RTTN: variants seen among roughly 807,000 people sequenced by gnomAD.
RTTN encodes rotatin.
RTTN carries 182 observed loss-of-function variants against 269.2 expected under a neutral mutation model. The observed-to-expected ratio is 0.68, with a 90% confidence interval of 0.60 to 0.76. RTTN has a LOEUF of 0.76. Ranked by LOEUF, RTTN falls within the 30% of genes least tolerant of loss-of-function variation. RTTN has a pLI of 0.00. For synonymous variants in RTTN, 1,006 were observed against 963.5 expected, an observed-to-expected ratio of 1.04 and a Z score of -0.82; for missense variants, 2,545 against 2,608.6, an observed-to-expected ratio of 0.98 and a Z score of 0.53.
chr18:70,112,630 A>G (rs2059501721), intron 27 of RTTN, among the ~76,000 whole-genome samples: 1 of 152,198 alleles, frequency 6.6e-6, no homozygotes, highest in South Asian at 2.1e-4. Context: ...TCCTAAATAT[A>G]TATGCACCCA....
chr18:70,175,099 G>A (rs1237951683), intron 11 of RTTN, among the ~76,000 whole-genome samples: 1 of 147,682 alleles, frequency 6.8e-6, no homozygotes. Flanking sequence ...CTGTCAATTG[G>A]ACTTAAAGCA....
chr18:70,003,581 T>C lies in RTTN; in HGVS notation c.*570A>G, dbSNP rs898039547. Reference sequence around the variant, plus strand: ...TGTACATTTACTTCCACACAGCCCTTTACAAATAATGCACACTTACTTCTA... The same window carrying C: ...TGTACATTTACTTCCACACAGCCCTCTACAAATAATGCACACTTACTTCTA... On this transcript the variant is annotated 3_prime_UTR_variant, in exon 49 of 49. Transcript: ENST00000640769. 1.3e-5 allele frequency: 2 copies of C among 152,192 alleles called. No homozygotes were observed. Among genetic ancestry groups the C allele is most frequent in the African/African-American group, 4.8e-5 (2 of 41,464 alleles). 9.4% of individuals were successfully genotyped at this position (152,192 alleles called of 1,614,324 possible).
At chr18:70,098,911 C>T (rs192845362) in intron 28 of RTTN, among the ~76,000 whole-genome samples, 22 of 152,224 alleles carry the variant, frequency 1.4e-4, no homozygotes, top group Admixed American at 1.2e-3. Flanking sequence ...TCTGTCCTTG[C>T]GATAGTTTGC....
intron 10 of RTTN, among the ~76,000 whole-genome samples, chr18:70,181,391 G>GA (rs2061418526): frequency 6.6e-6 from 1 of 152,118 alleles, no homozygotes; most frequent in African/African-American, 2.4e-5. Flanking sequence ...TGTAAATAGG[G>GA]AAAAAATAGA....
At chr18:70,154,101 T>A (rs1268727413) in intron 14 of RTTN, among the ~76,000 whole-genome samples, 1 of 152,160 alleles carries the variant, frequency 6.6e-6, no homozygotes. Flanking sequence ...TGTATGACAC[T>A]TGGTTATAAA....
chr18:70,093,330 T>C (rs938567417), intron 28 of RTTN, among the ~76,000 whole-genome samples: 1 of 152,202 alleles, frequency 6.6e-6, no homozygotes, highest in Non-Finnish European at 1.5e-5. Flanking sequence ...TTATAATATT[T>C]TTAAAAATGT....
chr18:70,205,540 G>A (rs1305718945), intron 1 of RTTN, 88 bp downstream of exon 1: 5 of 1,555,752 alleles, frequency 3.2e-6, no homozygotes, highest in East Asian at 2.2e-5. Context: ...GTCGCGGAGC[G>A]GCCGGCCGCG....
At chr18:70,151,903 G>A (rs916626171) in intron 14 of RTTN, among the ~76,000 whole-genome samples, 3 of 151,886 alleles carry the variant, frequency 2.0e-5, no homozygotes, top group Non-Finnish European at 2.9e-5. Flanking sequence ...TTCCCACCAC[G>A]AGTCCTCACA....
chr18:70,068,344 T>A (rs997298255), intron 34 of RTTN, among the ~76,000 whole-genome samples: 2 of 152,136 alleles, frequency 1.3e-5, no homozygotes, highest in African/African-American at 4.8e-5. Flanking sequence ...CTAGTCCACG[T>A]CCTCATTTAG....
At position 70,155,679 on chromosome 18, in the gene RTTN, G is replaced by A. The variant is rs186579879; in HGVS notation, c.1930-4946C>T. ...CTGCACAGAGCCCAGAGGGTCTGGC[G>A]CAGTAATGGCTGCAATGGGGCATGG... On this transcript the variant is annotated intron_variant, in intron 14 of 48. Coordinates refer to ENST00000640769, the MANE Select transcript of RTTN (RefSeq NM_173630.4). Among the ~76,000 whole-genome samples the A allele has an allele frequency of 2.8e-3, 431 of 152,348 alleles. 1 individual carries two copies. Among genetic ancestry groups the A allele is most frequent in the African/African-American group, 9.7e-3 (404 of 41,574 alleles).
intron 18 of RTTN, among the ~76,000 whole-genome samples, chr18:70,144,545 A>G (rs2060339347): frequency 6.6e-6 from 1 of 152,084 alleles, no homozygotes. Context: ...TCTCCCACTC[A>G]CTGCTATCTT....
rs374872229 is a variant in RTTN at position 70,114,397 on chromosome 18, T to C, written c.3683+48A>G. On this transcript the variant is annotated intron_variant, in intron 27 of 48. Coordinates refer to ENST00000640769, the MANE Select transcript of RTTN (RefSeq NM_173630.4). ...TAAAACTTTGAAAATCAAAGAAAACTTGGGTTCTATATAAATGCACCTAAA... is the reference window on the plus strand; with the variant it reads ...TAAAACTTTGAAAATCAAAGAAAACCTGGGTTCTATATAAATGCACCTAAA... The C allele has an allele frequency of 1.9e-5, 29 of 1,536,352 alleles. No individual in the cohort carries two copies. In the African/African-American group the frequency reaches 3.8e-4, roughly 20 times the overall value.
chr18:70,170,728 T>C (rs1385839126), intron 11 of RTTN, among the ~76,000 whole-genome samples: 4 of 152,152 alleles, frequency 2.6e-5, no homozygotes, highest in African/African-American at 4.8e-5. Flanking sequence ...AATTGGTCTG[T>C]AGAGAACTGA....
intron 10 of RTTN, among the ~76,000 whole-genome samples, chr18:70,184,636 A>G (rs1330871598): frequency 6.6e-6 from 1 of 151,058 alleles, no homozygotes; most frequent in Non-Finnish European, 1.5e-5. Flanking sequence ...ATTCAATACT[A>G]TTAAGATGTC....
chr18:70,192,051 C>G (rs934066658), intron 8 of RTTN, among the ~76,000 whole-genome samples: 2 of 152,122 alleles, frequency 1.3e-5, no homozygotes, highest in Non-Finnish European at 2.9e-5. Context: ...ATGCTCTTAA[C>G]CTCTCTAAAC....
chr18:70,027,405 T>G (rs906940539), intron 43 of RTTN, among the ~76,000 whole-genome samples: 1 of 152,242 alleles, frequency 6.6e-6, no homozygotes, highest in African/African-American at 2.4e-5. Flanking sequence ...TTGGATTTAC[T>G]TCTTATTAAA....
intron 28 of RTTN, among the ~76,000 whole-genome samples, chr18:70,093,792 G>C (rs189994634): frequency 5.9e-5 from 9 of 152,204 alleles, no homozygotes; most frequent in Non-Finnish European, 5.9e-5. Flanking sequence ...CCAGATTTTG[G>C]TATCAGGATG....
intron 10 of RTTN, among the ~76,000 whole-genome samples, chr18:70,187,127 C>G (rs1448698453): frequency 2.6e-5 from 4 of 152,078 alleles, no homozygotes; most frequent in Non-Finnish European, 5.9e-5. Flanking sequence ...TTTATATTAA[C>G]AATAATATCC....
intron 17 of RTTN, among the ~76,000 whole-genome samples, chr18:70,147,536 C>G (rs2060426517): frequency 6.6e-6 from 1 of 152,092 alleles, no homozygotes; most frequent in South Asian, 2.1e-4. Flanking sequence ...CAACGCATGA[C>G]TGTGTATTTA....
Sources: gnomAD v4.1 joint callset for allele counts (sites outside exome capture counted in the v4.1 genomes callset) on GRCh38, gnomAD v4.1.1 for gene constraint, MANE v1.5 for transcripts, NCBI Gene and HGNC (gene_info 2026-07-23, HGNC 2026-07-21) for gene names.